Variants in CDH8 observed in about 807,000 individuals in gnomAD.
The protein encoded by CDH8 is cadherin 8, also known as cadherin-8.
CDH8 carries 17 observed loss-of-function variants against 68.1 expected under a neutral mutation model. The ratio of observed to expected loss-of-function variants is 0.25; its 90% CI spans 0.17 to 0.37. The LOEUF (loss-of-function observed/expected upper bound fraction) is 0.37, where lower values mean the gene tolerates loss of function less well. CDH8 is among the 10% of genes least tolerant of loss of function. CDH8 has a pLI of 1.00. For missense variants in CDH8, 763 were observed against 999.3 expected (o/e 0.76, Z 3.19); for synonymous variants, 372 against 365.1 (o/e 1.02, Z -0.21).
chr16:61,921,739 T>C (rs1567529728), intron 2 of CDH8, among the ~76,000 whole-genome samples: 1 of 152,178 alleles, frequency 6.6e-6, no homozygotes, highest in African/African-American at 2.4e-5. Flanking sequence ...CTTTGGATTT[T>C]GAGGTCATGG....
chr16:61,833,949 C>A (rs1437664596), intron 4 of CDH8, among the ~76,000 whole-genome samples: 1 of 151,890 alleles, frequency 6.6e-6, no homozygotes, highest in Non-Finnish European at 1.5e-5. Context: ...TCTATTTCAA[C>A]CTGTCCTGCT....
chr16:61,779,973 TAAAC>T (rs1007830027), intron 8 of CDH8, among the ~76,000 whole-genome samples: 2 of 152,166 alleles, frequency 1.3e-5, no homozygotes, highest in African/African-American at 4.8e-5. Context: ...ATTCTGCAGT[TAAAC>T]AAAGATCTGA....
rs1963231578 is a variant in CDH8 at position 61,647,529 on chromosome 16, A to G, written c.*6079T>C. The G allele has an allele frequency of 7.5e-6, 3 of 398,638 alleles. No homozygotes were observed. Among genetic ancestry groups the G allele is most frequent in the Non-Finnish European group, 9.0e-6 (2 of 222,818 alleles). 24.7% of individuals were successfully genotyped at this position (398,638 alleles called of 1,614,324 possible). A position where few individuals can be genotyped will look rare whatever the true frequency, so the allele number is the denominator to read the frequency against. ...TGTTCCATCTTAGAGCATAATTGTT[A>G]AAATCTTCCTCTTATTTGTGAGGGA... On this transcript the variant is annotated 3_prime_UTR_variant, in exon 12 of 12. Transcript: ENST00000577390.
intron 1 of CDH8, among the ~76,000 whole-genome samples, chr16:62,029,522 T>C (rs144082366): frequency 6.6e-6 from 1 of 152,354 alleles, no homozygotes; most frequent in East Asian, 1.9e-4. Flanking sequence ...GCTGCATTTT[T>C]ACTGTCCAGA....
chr16:61,829,160 C>T (rs996259157), intron 4 of CDH8, among the ~76,000 whole-genome samples: 5 of 151,782 alleles, frequency 3.3e-5, no homozygotes, highest in African/African-American at 1.2e-4. Context: ...CCCAAAGACT[C>T]CTGCAAAGAC....
intron 2 of CDH8, among the ~76,000 whole-genome samples, chr16:61,938,481 G>A (rs948067320): frequency 6.6e-6 from 1 of 152,142 alleles, no homozygotes; most frequent in African/African-American, 2.4e-5. Context: ...CAATAACACA[G>A]AAGAGGCCCT....
intron 3 of CDH8, among the ~76,000 whole-genome samples, chr16:61,878,010 A>C (rs1187386217): frequency 6.6e-6 from 1 of 152,214 alleles, no homozygotes; most frequent in African/African-American, 2.4e-5. Context: ...CAAATACCAT[A>C]CCAAAGATGT....
At chr16:61,796,021 A>ACAAAAAACT (rs1204241614) in intron 7 of CDH8, among the ~76,000 whole-genome samples, 4 of 152,038 alleles carry the variant, frequency 2.6e-5, no homozygotes, top group Admixed American at 6.6e-5. Context: ...TTCATATAGC[A>ACAAAAAACT]TCACATAGAT....
intron 10 of CDH8, among the ~76,000 whole-genome samples, chr16:61,694,633 A>G (rs139792304): frequency 3.3e-5 from 5 of 152,246 alleles, no homozygotes; most frequent in Non-Finnish European, 5.9e-5. Flanking sequence ...GATGGGATAT[A>G]GACAGAGCTT....
chr16:61,767,053 T>C (rs1045716005), intron 8 of CDH8, among the ~76,000 whole-genome samples: 1 of 151,960 alleles, frequency 6.6e-6, no homozygotes, highest in South Asian at 2.1e-4. Context: ...TTGAAGAGTA[T>C]GGAAATATTC....
At chr16:61,867,601 G>C (rs1212901757) in intron 3 of CDH8, among the ~76,000 whole-genome samples, 1 of 152,110 alleles carries the variant, frequency 6.6e-6, no homozygotes, top group Middle Eastern at 3.2e-3. Context: ...TGACTAATCA[G>C]TTTGGAGCTT....
chr16:61,960,553 C>T (rs531912415), intron 2 of CDH8, among the ~76,000 whole-genome samples: 23 of 152,122 alleles, frequency 1.5e-4, no homozygotes, highest in African/African-American at 4.6e-4. Context: ...AGTAATAAAG[C>T]GGGGAATATT....
At chr16:61,980,991 T>A (rs1965520439) in intron 2 of CDH8, among the ~76,000 whole-genome samples, 1 of 152,328 alleles carries the variant, frequency 6.6e-6, no homozygotes, top group Non-Finnish European at 1.5e-5. Flanking sequence ...TCAACTCATC[T>A]ATACAGAAAA....
chr16:62,014,594 C>A (rs924128293), intron 2 of CDH8, among the ~76,000 whole-genome samples: 3 of 152,130 alleles, frequency 2.0e-5, no homozygotes, highest in Non-Finnish European at 4.4e-5. Context: ...GTCGCAGACA[C>A]CGTAAACTGT....
rs1336097590 is a variant in CDH8, at chr16:61,766,180, C to G, written c.1414+23166G>C. Among the ~76,000 whole-genome samples the G allele has an allele frequency of 2.1e-5, 3 of 142,514 alleles. No homozygotes were observed. In the South Asian group the frequency reaches 7.6e-4, roughly 36 times the overall value. The allele number at this position is 142,514 out of a possible 152,430, so 93.5% of individuals were successfully genotyped here. On this transcript the variant is annotated intron_variant, in intron 8 of 11. Transcript: ENST00000577390. The stretch of plus-strand genomic sequence containing the variant: ...TTCTGAGTTTCCAATGTGTATTATA[C>G]CAGTCTAAATACCTTTGCATGCCCA...
At chr16:61,956,956 G>A (rs1281439255) in intron 2 of CDH8, among the ~76,000 whole-genome samples, 24 of 152,228 alleles carry the variant, frequency 1.6e-4, no homozygotes, top group Non-Finnish European at 5.9e-5. Flanking sequence ...ATAAAATGCA[G>A]ACGCTTCATT....
At chr16:61,669,004 T>C (rs1158197065) in intron 10 of CDH8, among the ~76,000 whole-genome samples, 2 of 152,066 alleles carry the variant, frequency 1.3e-5, no homozygotes, top group Non-Finnish European at 2.9e-5. Context: ...TCTTTAATAC[T>C]GTGAATAGAG....
chr16:61,748,973 A>ATC (rs1960091950), intron 8 of CDH8, among the ~76,000 whole-genome samples: 1 of 152,082 alleles, frequency 6.6e-6, no homozygotes, highest in African/African-American at 2.4e-5. Context: ...TCAGAAGGAA[A>ATC]ATCATTATTG....
In CDH8 at chr16:61,654,021, T is replaced by C; in HGVS notation, c.1987A>G (p.Asn663Asp). 6.2e-7 allele frequency: 1 copy of C among 1,614,044 alleles called. No individual in the cohort carries two copies. The highest frequency in any genetic ancestry group is 8.5e-7 in the Non-Finnish European group (1 of 1,179,894). ...CCTTCATCATCGTAGCGAATGATGTTTTCTCGAACGTCTTCATCATCTTTG... is the reference window on the plus strand; with the variant it reads ...CCTTCATCATCGTAGCGAATGATGTCTTCTCGAACGTCTTCATCATCTTTG... ...IIKDDEDVRE[N>D]IIRYDDEGGG... is the part of the protein sequence containing the mutation. The change falls in exon 12 of 12, where the codon AAC (asparagine) becomes GAC (aspartate). Residue 663 changes from asparagine to aspartate, a missense_variant. Physicochemically the swap from Asn to Asp is conservative, Grantham distance 23 (BLOSUM62 1). Transcript: ENST00000577390.
Sources: allele counts gnomAD v4.1 joint callset (sites outside exome capture counted in the v4.1 genomes callset), GRCh38; gene constraint gnomAD v4.1.1; transcripts MANE v1.5; gene names NCBI Gene and HGNC (gene_info 2026-07-23, HGNC 2026-07-21).